DACT2: variants seen among roughly 807,000 people sequenced by gnomAD.
DACT2 encodes dapper homolog 2.
Under a neutral mutation model 22.2 loss-of-function variants are expected in DACT2, and 20 were observed. The observed-to-expected ratio is 0.90, with a 90% CI of 0.63 to 1.31. The LOEUF (loss-of-function observed/expected upper bound fraction) is 1.31. DACT2 is among the 50% of genes most tolerant of loss of function. DACT2 has a pLI of 0.00. For missense variants in DACT2, 1,048 were observed against 1,061.4 expected (o/e 0.99, Z 0.18); for synonymous variants, 463 against 479.8 (o/e 0.96, Z 0.46).
At chr6:168,315,440 A>G (rs1415540527) in intron 1 of DACT2, among the ~76,000 whole-genome samples, 1 of 152,166 alleles carries the variant, frequency 6.6e-6, no homozygotes, top group Non-Finnish European at 1.5e-5. Flanking sequence ...CCCTCTCTGG[A>G]CTGGCCACAC....
chr6:168,308,510 T>C lies in DACT2; in HGVS notation c.1247A>G (p.Gln416Arg), dbSNP rs1372433236. Residue 416 changes from glutamine to arginine, a missense_variant, in exon 4 of 4, where the codon CAG becomes CGG. Transcript: ENST00000366795. ...QGYMPLEGPQ[Q>R]SGSLPEEGSK... ...GCCCTCCTCTGGAAGGCTGCCAGAC[T>C]GCTGGGGACCCTCAAGGGGCATGTA... 6.4e-7 allele frequency: 1 copy of C among 1,551,294 alleles called. No homozygotes were observed. Among genetic ancestry groups the C allele is most frequent in the East Asian group, 2.4e-5 (1 of 40,862 alleles).
chr6:168,296,370 G>C (rs1321917961), intron 3 of DACT2, among the ~76,000 whole-genome samples: 1 of 150,304 alleles, frequency 6.7e-6, no homozygotes, highest in Non-Finnish European at 1.5e-5. Flanking sequence ...CAGGGAAACA[G>C]CGGATCCATC....
rs746329431 is a variant in DACT2 at position 168,307,936 on chromosome 6, G to T, written c.1821C>A (p.Arg607=). 1.9e-5 allele frequency: 30 copies of T among 1,548,358 alleles called. 1 individual carries two copies. The South Asian group carries it at 2.0e-4, about 10-fold the overall frequency. The change falls in exon 4 of 4, where the codon CGC becomes CGA. Residue 607 remains arginine (R), a synonymous_variant. Transcript: ENST00000366795. This position sits in a 1 kb window ranked among gnomAD's most constrained non-coding sequence, Gnocchi z 5.3. ...LLTSVARRKH[R]RWQSTVEISA... ...AGATCTCCACGGTGGACTGCCAGCG[G>T]CGATGCTTCCTCCTGGCCACTGAGG...
In DACT2 at chr6:168,317,945, AAC is replaced by A. The variant is rs1279714498; in HGVS notation, c.246+1441_246+1442del. Among the ~76,000 whole-genome samples the A allele has an allele frequency of 3.2e-5, 3 of 93,076 alleles. No individual in the cohort carries two copies. In the East Asian group the frequency reaches 8.5e-4, roughly 26 times the overall value. The allele number at this position is 93,076 out of a possible 152,430, so 61.1% of individuals were successfully genotyped here. ...AGAAGCTGCGATTGTGTCTGGTGCAAACACACAACAGCATCTCGGCAGCACCT... is the reference window on the plus strand; with the variant it reads ...AGAAGCTGCGATTGTGTCTGGTGCAAACACAACAGCATCTCGGCAGCACCT... On this transcript the variant is annotated intron_variant, in intron 1 of 3. Coordinates refer to ENST00000366795, the MANE Select transcript of DACT2 (RefSeq NM_214462.5).
Position 168,310,304 on chromosome 6 carries a change from C to T in DACT2, c.522G>A (p.Trp174Ter), listed in dbSNP as rs1010201347. The change falls in exon 3 of 4, where the codon TGG becomes TGA. Residue 174 changes from tryptophan (W) to a stop codon, truncating the protein, a stop_gained. Transcript: ENST00000366795. LOFTEE classifies it high-confidence loss of function. Reference protein sequence around the residue: ...AHKARPSMGDWRPRSVDETTV... With the variant: ...AHKARPSMGD ...TAGTCTCATCAACCGACCGGGGCCT[C>T]CAGTCCCCCATGCTGGGCCTGGCCT... 2 of 1,551,526 alleles carry T rather than the reference C, an allele frequency of 1.3e-6. No homozygotes were observed. The highest frequency in any genetic ancestry group is 3.9e-5 in the Admixed American group (2 of 50,986).
rs77342380 is a variant in DACT2, at chr6:168,311,870, A to T, written c.247-586T>A. Among the ~76,000 whole-genome samples, 6 of 152,332 alleles carry T rather than the reference A, an allele frequency of 3.9e-5. No homozygotes were observed. The East Asian group carries it at 1.2e-3, about 29-fold the overall frequency. Reference sequence around the variant, plus strand: ...CACTGTCTGTTTTGCTGCGTTTTTCAGCCTGCGTAAGGGTTTACTCTCCTG... The same window carrying T: ...CACTGTCTGTTTTGCTGCGTTTTTCTGCCTGCGTAAGGGTTTACTCTCCTG... On this transcript the variant is annotated intron_variant, in intron 1 of 3. Transcript: ENST00000366795.
chr6:168,306,755 T>C (rs10945498), downstream of DACT2: 164,281 of 545,836 alleles, frequency 0.3, 26,393 homozygotes, highest in African/African-American at 0.49. Context: ...CGGCCTATGC[T>C]TTACTTTTTA....
rs1222790682 is a variant in DACT2, at chr6:168,319,713, C to A, written c.-80G>T. 2 of 1,185,492 alleles carry A rather than the reference C, an allele frequency of 1.7e-6. No homozygotes were observed. Among genetic ancestry groups the A allele is most frequent in the East Asian group, 3.6e-5 (1 of 27,508 alleles). The allele number at this position is 1,185,492 out of a possible 1,614,324, so 73.4% of individuals were successfully genotyped here. A position where few individuals can be genotyped will look rare whatever the true frequency, so the allele number is the denominator to read the frequency against. On this transcript the variant is annotated 5_prime_UTR_variant, in exon 1 of 4. Coordinates refer to ENST00000366795, the MANE Select transcript of DACT2 (RefSeq NM_214462.5). ...CGCGCGCGGATCCCGAGCTGTGTCG[C>A]GGGTCCTCCTGCGCCTCCTCTCTCC...
At chr6:168,312,265 G>A (rs928390193) in intron 1 of DACT2, among the ~76,000 whole-genome samples, 6 of 151,902 alleles carry the variant, frequency 3.9e-5, no homozygotes, top group South Asian at 4.2e-4. Context: ...GTGCGATCAC[G>A]GCTCACTGCA....
exon 4 of DACT2, chr6:168,294,682 T>A (rs1583287773): frequency 2.0e-6 from 3 of 1,498,848 alleles, no homozygotes; most frequent in East Asian, 2.6e-5. Context: ...GCATGTCAAG[T>A]TCACCTGGAG....
chr6:168,293,735 C>T (rs1778950438), exon 6 of DACT2: 4 of 648,694 alleles, frequency 6.2e-6, no homozygotes, highest in South Asian at 5.2e-5. Context: ...GGACACTTCT[C>T]TGCAGCTCCC....
downstream of DACT2, among the ~76,000 whole-genome samples, chr6:168,303,607 T>A (rs140371668): frequency 6.6e-6 from 1 of 152,328 alleles, no homozygotes; most frequent in African/African-American, 2.4e-5. Context: ...TTTCCAGCCA[T>A]GCATATCATG....
At position 168,307,934 on chromosome 6, in the gene DACT2, C is replaced by T. The variant is rs555277250; in HGVS notation, c.1823G>A (p.Arg608His). ...LTSVARRKHR[R>H]WQSTVEISAR... The stretch of plus-strand genomic sequence containing the variant: ...CGAGATCTCCACGGTGGACTGCCAG[C>T]GGCGATGCTTCCTCCTGGCCACTGA... The change falls in exon 4 of 4, where the codon CGC becomes CAC. Residue 608 changes from arginine to histidine, a missense_variant. Arg to His is a conservative substitution (Grantham distance 29). Transcript: ENST00000366795. The surrounding 1 kb of genome is among the most constrained non-coding windows in gnomAD (Gnocchi z 5.3). The T allele has an allele frequency of 1.4e-5, 22 of 1,547,970 alleles. No homozygotes were observed. The highest frequency in any genetic ancestry group is 4.9e-5 in the East Asian group (2 of 40,882).
chr6:168,305,416 C>T (rs545927384), downstream of DACT2, among the ~76,000 whole-genome samples: 131 of 152,342 alleles, frequency 8.6e-4, no homozygotes, highest in South Asian at 6.6e-3. Flanking sequence ...TCCTTATGGG[C>T]TGATTCCCTG....
In DACT2 at chr6:168,308,316, G is replaced by A. The variant is rs371278832; in HGVS notation, c.1441C>T (p.Pro481Ser). 3.2e-6 allele frequency: 5 copies of A among 1,552,072 alleles called. No individual in the cohort carries two copies. The East Asian group carries it at 1.2e-4, about 38-fold the overall frequency. Residue 481 changes from proline (P) to serine (S), a missense_variant, in exon 4 of 4, where the codon CCA becomes TCA. Coordinates refer to ENST00000366795, the MANE Select transcript of DACT2 (RefSeq NM_214462.5). ...ATTTTCAGGCTGGCAGCAAAGGATG[G>A]GTGGGCAAAGTGCCCAGAGGCCGGT... ...PSPASGHFAH[P>S]SFAASLKMGP...
At chr6:168,297,775 G>C (rs1779032193) in intron 3 of DACT2, among the ~76,000 whole-genome samples, 1 of 152,240 alleles carries the variant, frequency 6.6e-6, no homozygotes, top group Non-Finnish European at 1.5e-5. Flanking sequence ...AGCGTTGCTT[G>C]AAACGGCAAC....
At position 168,308,280 on chromosome 6, in the gene DACT2, T is replaced by TG. The variant is rs1232997144; in HGVS notation, c.1476dup (p.Lys493GlnfsTer5). ...CTCTTGATTTTTTCAGCCTTGCTCT[T>TG]GGGGGGACCCATTTTCAGGCTGGCA... is the stretch of plus-strand genomic sequence containing the variant. On this transcript the variant is annotated frameshift_variant, in exon 4 of 4. Coordinates refer to ENST00000366795, the MANE Select transcript of DACT2 (RefSeq NM_214462.5). LOFTEE classifies it low-confidence loss of function (END_TRUNC). The TG allele has an allele frequency of 2.6e-6, 4 of 1,552,278 alleles. No homozygotes were observed. Among genetic ancestry groups the TG allele is most frequent in the Admixed American group, 3.9e-5 (2 of 51,010 alleles).
At chr6:168,310,055 C>G in intron 3 of DACT2, 113 bp downstream of exon 3, 1 of 1,450,932 alleles carries the variant, frequency 6.9e-7, no homozygotes. Context: ...CCCTTAGAGC[C>G]TGACAGCGTG....
At chr6:168,299,769 A>AT (rs1202786919) in intron 3 of DACT2, 2 of 152,286 alleles carry the variant, frequency 1.3e-5, no homozygotes, top group African/African-American at 2.4e-5. Context: ...CTCCGGGGCC[A>AT]CCGCGTCCCT....
Sources: gnomAD v4.1 joint callset for allele counts (sites outside exome capture counted in the v4.1 genomes callset) on GRCh38, gnomAD v4.1.1 for gene constraint, Gnocchi (gnomAD v3.1) non-coding constraint, MANE v1.5 for transcripts, NCBI Gene and HGNC (gene_info 2026-07-23, HGNC 2026-07-21) for gene names.